Variants in KAZN observed in about 807,000 individuals in gnomAD.
The protein encoded by KAZN is kazrin, periplakin interacting protein.
Under a neutral mutation model 87.4 loss-of-function variants are expected in KAZN, and 40 were observed. That is an observed-to-expected ratio of 0.46 (90% confidence interval 0.36 to 0.60). The LOEUF is 0.60. Among genes scored for constraint, KAZN ranks in the 20% least tolerant of loss-of-function variants. KAZN has a pLI of 0.00. For missense variants in KAZN, 898 were observed against 1,073.9 expected (o/e 0.84, Z 2.29); for synonymous variants, 466 against 458.3 (o/e 1.02, Z -0.22).
intron 2 of KAZN, among the ~76,000 whole-genome samples, chr1:14,367,417 TCTC>T (rs1040701686): frequency 4.6e-5 from 7 of 151,744 alleles, no homozygotes; most frequent in East Asian, 1.9e-4. Context: ...TCCAGCTGCT[TCTC>T]CTCTTCTCTC....
chr1:14,745,111 C>T (rs1644224675), intron 1 of KAZN, among the ~76,000 whole-genome samples: 1 of 152,034 alleles, frequency 6.6e-6, no homozygotes, highest in Non-Finnish European at 1.5e-5. Context: ...AAAGGTCTGG[C>T]CAAAAATCCA....
At chr1:14,544,449 G>T (rs563671120) in intron 2 of KAZN, among the ~76,000 whole-genome samples, 1 of 150,206 alleles carries the variant, frequency 6.7e-6, no homozygotes, top group Admixed American at 6.6e-5. Flanking sequence ...GGGAGGGGAG[G>T]ATCAGAATGT....
At position 14,692,978 on chromosome 1, in the gene KAZN, GGTCCTCATA is replaced by G. The variant is rs558040759; in HGVS notation, c.226+93757_226+93765del. ...GGCAGAGACACCAGTTTCTTATTCA[GGTCCTCATA>G]GCAATTTGACCAGTTCTGGTCTTCT... On this transcript the variant is annotated intron_variant, in intron 1 of 14. Coordinates refer to ENST00000376030, the MANE Select transcript of KAZN (RefSeq NM_201628.3). Among the ~76,000 whole-genome samples the G allele has an allele frequency of 2.7e-3, 409 of 152,084 alleles. 2 individuals are homozygous for G. Among genetic ancestry groups the G allele is most frequent in the South Asian group, 5.6e-3 (27 of 4,782 alleles).
chr1:14,518,456 C>T (rs1362017021), intron 2 of KAZN, among the ~76,000 whole-genome samples: 1 of 152,144 alleles, frequency 6.6e-6, no homozygotes, highest in Non-Finnish European at 1.5e-5. Flanking sequence ...GGATTATAGA[C>T]ATGAGCCACT....
intron 8 of KAZN, among the ~76,000 whole-genome samples, chr1:15,088,338 G>A (rs1573281395): frequency 1.3e-5 from 2 of 152,126 alleles, no homozygotes; most frequent in Non-Finnish European, 2.9e-5. Flanking sequence ...TAGGGGAGAC[G>A]TCAATGGTCA....
At chr1:13,904,301 G>T in intron 1 of KAZN, among the ~76,000 whole-genome samples, 1 of 152,148 alleles carries the variant, frequency 6.6e-6, no homozygotes, top group East Asian at 1.9e-4. Context: ...AACCCCTCAT[G>T]CCTCCTCCCT....
chr1:14,334,942 GAGAC>G (rs952597902), intron 2 of KAZN, among the ~76,000 whole-genome samples: 5 of 152,256 alleles, frequency 3.3e-5, no homozygotes, highest in African/African-American at 9.6e-5. Flanking sequence ...AATAGACACA[GAGAC>G]AGAGAGTGAG....
intron 8 of KAZN, among the ~76,000 whole-genome samples, chr1:15,070,972 C>T (rs543336196): frequency 2.2e-3 from 329 of 152,374 alleles, no homozygotes; most frequent in Non-Finnish European, 3.8e-3. Context: ...GCCCCGGTCC[C>T]TGGCCCCCAC....
intron 2 of KAZN, among the ~76,000 whole-genome samples, chr1:14,335,575 C>A (rs1405283452): frequency 4.6e-5 from 7 of 152,064 alleles, no homozygotes; most frequent in Non-Finnish European, 1.0e-4. Flanking sequence ...TCACCTCCTG[C>A]CATGATTTTA....
At chr1:14,248,876 A>G (rs1341315231) in intron 2 of KAZN, among the ~76,000 whole-genome samples, 3 of 152,178 alleles carry the variant, frequency 2.0e-5, no homozygotes, top group Non-Finnish European at 4.4e-5. Flanking sequence ...TCACACTTAG[A>G]GGCCAAGCAG....
intron 1 of KAZN, among the ~76,000 whole-genome samples, chr1:14,881,612 C>T (rs1401211284): frequency 6.6e-6 from 1 of 152,160 alleles, no homozygotes; most frequent in Non-Finnish European, 1.5e-5. Flanking sequence ...TGGTCCCTGC[C>T]TCTAGGAACT....
At chr1:14,503,220 G>A (rs183248444) in intron 2 of KAZN, among the ~76,000 whole-genome samples, 3 of 151,978 alleles carry the variant, frequency 2.0e-5, no homozygotes, top group South Asian at 2.1e-4. Context: ...GTGGTGGCTC[G>A]TGCCTGTAAT....
chr1:14,040,334 A>G (rs1328802799), intron 1 of KAZN, among the ~76,000 whole-genome samples: 1 of 152,188 alleles, frequency 6.6e-6, no homozygotes, highest in Admixed American at 6.5e-5. Context: ...GGAAGGAGTC[A>G]GTATGGGAGC....
intron 1 of KAZN, among the ~76,000 whole-genome samples, chr1:14,764,372 A>C (rs1164846250): frequency 0.025 from 1,983 of 80,434 alleles, 1 homozygote; most frequent in Middle Eastern, 0.071. Context: ...ACCACTCCCG[A>C]CCCCCTCCCC....
At chr1:14,550,738 T>TCTCCCC (rs1329797253) in intron 2 of KAZN, among the ~76,000 whole-genome samples, 2 of 37,966 alleles carry the variant, frequency 5.3e-5, no homozygotes, top group African/African-American at 2.0e-4. Flanking sequence ...TCTCTCTCTC[T>TCTCCCC]CCCCCACCCC....
chr1:15,091,980 A>ATT (rs78788352), intron 8 of KAZN, among the ~76,000 whole-genome samples: 1 of 144,782 alleles, frequency 6.9e-6, no homozygotes, highest in African/African-American at 2.5e-5. Context: ...ATGGATAAGC[A>ATT]TTTTTTTTTT....
At chr1:15,044,205 G>T (rs750420855) in intron 4 of KAZN, 46 bp downstream of exon 4, 2 of 1,513,140 alleles carry the variant, frequency 1.3e-6, no homozygotes, top group East Asian at 5.0e-5. Flanking sequence ...TGCTAGCAGT[G>T]CCGTGCTGGG....
intron 2 of KAZN, among the ~76,000 whole-genome samples, chr1:14,576,724 G>A (rs1243134564): frequency 1.3e-5 from 2 of 152,140 alleles, no homozygotes; most frequent in African/African-American, 4.8e-5. Flanking sequence ...TCTCTAAATA[G>A]GAACTTTATG....
chr1:14,718,015 C>T (rs1280759426), intron 1 of KAZN, among the ~76,000 whole-genome samples: 1 of 152,232 alleles, frequency 6.6e-6, no homozygotes, highest in East Asian at 1.9e-4. Flanking sequence ...TTGAGCCTGG[C>T]CTCTATCACC....
Sources: gnomAD v4.1 joint callset for allele counts (sites outside exome capture counted in the v4.1 genomes callset) on GRCh38, gnomAD v4.1.1 for gene constraint, MANE v1.5 for transcripts, NCBI Gene and HGNC (gene_info 2026-07-23, HGNC 2026-07-21) for gene names.